The following HERC2 variants were observed in gnomAD, a reference collection of about 807,000 sequenced individuals.
The protein encoded by HERC2 is HECT and RLD domain containing E3 ubiquitin protein ligase 2.
In HERC2, 102 loss-of-function variants were observed where a neutral mutation model predicts 537.7. The observed-to-expected ratio is 0.19, with a 90% CI of 0.16 to 0.22. HERC2 has a LOEUF of 0.22. HERC2 is among the 10% of genes least tolerant of loss of function. The pLI is 1.00. For synonymous variants in HERC2, 2,224 were observed against 2,466.2 expected (o/e 0.90, Z 2.91); for missense variants, 4,236 against 6,198.2 (o/e 0.68, Z 10.63).
intron 4 of HERC2, 79 bp from the exon 5 acceptor site, chr15:28,280,366 T>G: frequency 8.5e-7 from 1 of 1,175,816 alleles, no homozygotes; most frequent in Non-Finnish European, 1.2e-6. Flanking sequence ...AAATGGATGA[T>G]GACGACAGGT....
chr15:28,152,532 A>G (rs2142343094), intron 70 of HERC2, 145 bp downstream of exon 70: 2 of 707,658 alleles, frequency 2.8e-6, no homozygotes, highest in Admixed American at 6.3e-5. Flanking sequence ...AGTTTGTTAG[A>G]AAAGGGGAGA....
intron 5 of HERC2, among the ~76,000 whole-genome samples, chr15:28,279,510 A>G (rs963513465): frequency 6.6e-6 from 1 of 152,122 alleles, no homozygotes; most frequent in Non-Finnish European, 1.5e-5. Context: ...AAATGTCTTT[A>G]CAATAATGAC....
chr15:28,121,618 C>T (rs564733949), intron 85 of HERC2, among the ~76,000 whole-genome samples, 189 bp from the exon 86 acceptor site: 5 of 152,306 alleles, frequency 3.3e-5, no homozygotes, highest in South Asian at 2.1e-4. Flanking sequence ...CAGGGACAGA[C>T]GGCCAGGCAG....
intron 70 of HERC2, among the ~76,000 whole-genome samples, chr15:28,150,373 G>A (rs1418934675): frequency 7.5e-6 from 1 of 133,602 alleles, no homozygotes. Flanking sequence ...GAGAACAGCC[G>A]AATGAACCCA....
Position 28,178,948 on chromosome 15 carries a change from G to A in HERC2, c.9102C>T (p.Pro3034=). 1.9e-6 allele frequency: 3 copies of A among 1,614,166 alleles called. No homozygotes were observed. The highest frequency in any genetic ancestry group is 2.2e-5 in the South Asian group (2 of 91,074). ...TGAGAGCTGTGATCTGCCGTGGGAT[G>A]GGCACCGTCCCGCTGGAAATGCCCA... ...LGLGISSGTV[P]IPRQITALSS... The change falls in exon 59 of 93, where the codon CCC becomes CCT. Residue 3034 remains proline (P), a synonymous_variant. Transcript: ENST00000261609.
chr15:28,179,804 A>G lies in HERC2; in HGVS notation c.8938-581T>C, dbSNP rs138016143. 3.7e-3 allele frequency among the ~76,000 whole-genome samples: 563 copies of G among 152,358 alleles called. 2 individuals carry two copies. The highest frequency in any genetic ancestry group is 0.013 in the African/African-American group (533 of 41,574). ...TTTTTAACAAACACGTTAAAAAGTA[A>G]AAGAATAAATGTTAAAGATAGAAAA... is the stretch of plus-strand genomic sequence containing the variant. On this transcript the variant is annotated intron_variant, in intron 57 of 92. Coordinates refer to ENST00000261609, the MANE Select transcript of HERC2 (RefSeq NM_004667.6).
At chr15:28,144,888 T>C (rs1891581298) in intron 71 of HERC2, 84 bp from the exon 72 acceptor site, 1 of 1,573,156 alleles carries the variant, frequency 6.4e-7, no homozygotes, top group Non-Finnish European at 8.7e-7. Context: ...AGCAGAATGA[T>C]TTCCGTCACG....
At chr15:28,287,740 G>GTTTTTTTTTTTTTTTTTTTTTTTTTTTTT in intron 4 of HERC2, among the ~76,000 whole-genome samples, 1 of 141,050 alleles carries the variant, frequency 7.1e-6, no homozygotes. Flanking sequence ...TTTTTTTTTG[G>GTTTTTTTTTTTTTTTTTTTTTTTTTTTTT]TTTGAGATGG....
rs528077280 is a variant in HERC2 at position 28,136,449 on chromosome 15, G to C, written c.12016-757C>G. On this transcript the variant is annotated intron_variant, in intron 78 of 92. Transcript: ENST00000261609. ...AGGGTGTGAGGCTCTCTGGTGCACA[G>C]GGTGCAGGGTAATGCAGCATGCCTC... Among the ~76,000 whole-genome samples, 108 of 152,388 alleles carry C rather than the reference G, an allele frequency of 7.1e-4. 1 individual carries two copies. The highest frequency in any genetic ancestry group is 4.6e-3 in the South Asian group (22 of 4,832).
chr15:28,267,924 A>G (rs1421444626), intron 12 of HERC2, among the ~76,000 whole-genome samples: 4 of 152,238 alleles, frequency 2.6e-5, no homozygotes, highest in Admixed American at 6.5e-5. Flanking sequence ...GCACAACAGC[A>G]AAGTACAAGA....
At chr15:28,137,420 C>T (rs550026141) in intron 78 of HERC2, among the ~76,000 whole-genome samples, 14 of 152,338 alleles carry the variant, frequency 9.2e-5, no homozygotes, top group African/African-American at 3.4e-4. Flanking sequence ...GGCAACCCTA[C>T]ACTGATCAAG....
Position 28,246,066 on chromosome 15 carries a change from C to T in HERC2, c.3392G>A (p.Gly1131Asp). Residue 1131 changes from glycine (G) to aspartate (D), a missense_variant and splice_region_variant, in exon 23 of 93, where the codon GGT (glycine) becomes GAT (aspartate). By Grantham distance (94) the Gly-to-Asp change is moderately conservative. Around this residue, in one of 27 missense-constraint regions of HERC2, gnomAD observed 754 missense variants for 1,085.0 expected, o/e 0.69. Coordinates refer to ENST00000261609, the MANE Select transcript of HERC2 (RefSeq NM_004667.6). Reference sequence around the variant, plus strand: ...AACTACTAGTTCTGGAAGGAGAACACCTACATTTAAGAAATAATAAGATTT... The same window carrying T: ...AACTACTAGTTCTGGAAGGAGAACATCTACATTTAAGAAATAATAAGATTT... ...VAYIVEGDFTGVLLPELVVSI... is the reference protein window; with the variant it reads ...VAYIVEGDFTDVLLPELVVSI... The T allele has an allele frequency of 6.4e-7, 1 of 1,571,874 alleles. No homozygotes were observed. Among genetic ancestry groups the T allele is most frequent in the Non-Finnish European group, 8.7e-7 (1 of 1,153,256 alleles).
At chr15:28,222,888 C>T (rs1400242843) in intron 35 of HERC2, among the ~76,000 whole-genome samples, 2 of 152,226 alleles carry the variant, frequency 1.3e-5, no homozygotes, top group Non-Finnish European at 2.9e-5. Context: ...GCAGACAGCA[C>T]CTGACACAGC....
In HERC2 at chr15:28,268,696, T is replaced by C; in HGVS notation, c.1447-80A>G. The C allele has an allele frequency of 3.2e-6, 4 of 1,234,576 alleles. No individual in the cohort carries two copies. Among genetic ancestry groups the C allele is most frequent in the Non-Finnish European group, 4.6e-6 (4 of 874,056 alleles). 76.5% of individuals were successfully genotyped at this position (1,234,576 alleles called of 1,614,324 possible). A position where few individuals can be genotyped will look rare whatever the true frequency, so the allele number is the denominator to read the frequency against. The stretch of plus-strand genomic sequence containing the variant: ...CAGCTCAGCTCTCCGTTATCATGTA[T>C]CCCCAAGCAAAGCCTGCTGTAACTC... On this transcript the variant is annotated intron_variant, in intron 11 of 92. Transcript: ENST00000261609. The surrounding 1 kb of genome is among the most constrained non-coding windows in gnomAD (Gnocchi z 4.7).
rs779353738 is a variant in HERC2 at position 28,260,908 on chromosome 15, C to G, written c.2185G>C (p.Glu729Gln). ...TCGTTGCTCCCCCAGCTGTGGACCT[C>G]GCTGTCCTCAGTCAGAGCCAGGCAG... ...THCLALTEDS[E>Q]VHSWGSNDQC... The change falls in exon 16 of 93, where the codon GAG becomes CAG. Residue 729 changes from glutamate (E) to glutamine (Q), a missense_variant. Transcript: ENST00000261609. The G allele has an allele frequency of 1.9e-6, 3 of 1,614,084 alleles. No homozygotes were observed. Among genetic ancestry groups the G allele is most frequent in the African/African-American group, 1.3e-5 (1 of 74,944 alleles).
intron 4 of HERC2, among the ~76,000 whole-genome samples, chr15:28,288,405 A>T (rs2076217991): frequency 7.9e-6 from 1 of 127,120 alleles, no homozygotes; most frequent in African/African-American, 3.0e-5. Flanking sequence ...GTATGCCTGT[A>T]ATCCCAGCTA....
intron 48 of HERC2, among the ~76,000 whole-genome samples, chr15:28,200,825 A>G (rs527491524): frequency 6.3e-5 from 9 of 143,520 alleles, no homozygotes; most frequent in African/African-American, 2.3e-4. Context: ...ACTGACATAT[A>G]TACAGGTGAA....
chr15:28,133,775 T>A (rs1262732268), intron 79 of HERC2, among the ~76,000 whole-genome samples: 1 of 152,234 alleles, frequency 6.6e-6, no homozygotes, highest in Non-Finnish European at 1.5e-5. Flanking sequence ...CAGTTTCATT[T>A]TTCCACACTC....
At chr15:28,114,377 C>G (rs1263300867) in intron 90 of HERC2, among the ~76,000 whole-genome samples, 3 of 152,190 alleles carry the variant, frequency 2.0e-5, no homozygotes, top group African/African-American at 7.2e-5. Flanking sequence ...GGTGCAGTGA[C>G]CCAAATGGGT....
Sources: gnomAD v4.1 joint callset for allele counts (sites outside exome capture counted in the v4.1 genomes callset) on GRCh38, gnomAD v4.1.1 for gene constraint, gnomAD v4.1.1 regional missense constraint, Gnocchi (gnomAD v3.1) non-coding constraint, MANE v1.5 for transcripts, NCBI Gene and HGNC (gene_info 2026-07-23, HGNC 2026-07-21) for gene names.